PCDHGA2: variants seen among roughly 807,000 people sequenced by gnomAD.
The protein encoded by PCDHGA2 is protocadherin gamma subfamily A, 2.
Under a neutral mutation model 59.2 loss-of-function variants are expected in PCDHGA2, and 40 were observed. The ratio of observed to expected loss-of-function variants is 0.68; its 90% CI spans 0.52 to 0.88. The LOEUF (loss-of-function observed/expected upper bound fraction) is 0.88. Among genes scored for constraint, PCDHGA2 ranks in the 40% least tolerant of loss-of-function variants. PCDHGA2 has a pLI of 0.00. For synonymous variants in PCDHGA2, 560 were observed against 526.0 expected, an observed-to-expected ratio of 1.06 and a Z score of -0.89; for missense variants, 1,226 against 1,204.0, an observed-to-expected ratio of 1.02 and a Z score of -0.27.
At chr5:141,409,538 A>G (rs772375542) in intron 1 of PCDHGA2, 5 of 1,613,844 alleles carry the variant, frequency 3.1e-6, no homozygotes, top group Non-Finnish European at 4.2e-6. Flanking sequence ...CGCTGACATC[A>G]ACGACAACGC....
intron 1 of PCDHGA2, among the ~76,000 whole-genome samples, chr5:141,455,125 A>G (rs952979433): frequency 3.5e-4 from 53 of 151,762 alleles, no homozygotes; most frequent in Non-Finnish European, 1.0e-4. Flanking sequence ...CTAATGTTTT[A>G]AATTACACTG....
rs2099691833 is a variant in PCDHGA2, at chr5:141,489,761, C to A, written c.2425-5046C>A. 8.1e-6 allele frequency: 13 copies of A among 1,614,102 alleles called. No individual in the cohort carries two copies. The highest frequency in any genetic ancestry group is 1.1e-5 in the Non-Finnish European group (13 of 1,179,962). ...ACTGTGAGCTTTTACACTCTAAGCCCCAACAGCCACTTCTCTCTGAATGTG... is the reference window on the plus strand; with the variant it reads ...ACTGTGAGCTTTTACACTCTAAGCCACAACAGCCACTTCTCTCTGAATGTG... On this transcript the variant is annotated intron_variant, in intron 1 of 3. Coordinates refer to ENST00000394576, the MANE Select transcript of PCDHGA2 (RefSeq NM_018915.4). The surrounding 1 kb of genome is among the most constrained non-coding windows in gnomAD (Gnocchi z 4.5).
chr5:141,372,523 CA>C, intron 1 of PCDHGA2: 10 of 1,614,018 alleles, frequency 6.2e-6, no homozygotes, highest in Non-Finnish European at 8.5e-6. Flanking sequence ...GTGATTCTGG[CA>C]ATCTCCCTGC....
chr5:141,361,388 A>T, intron 1 of PCDHGA2: 1 of 1,614,000 alleles, frequency 6.2e-7, no homozygotes, highest in Non-Finnish European at 8.5e-7. Flanking sequence ...ATCCCAGAAT[A>T]CAATCTCACC....
chr5:141,346,168 T>C (rs1757707161), intron 1 of PCDHGA2: 5 of 1,614,048 alleles, frequency 3.1e-6, no homozygotes, highest in Non-Finnish European at 4.2e-6. Flanking sequence ...ATCGTGCTGC[T>C]GGCGCTCAGG....
intron 1 of PCDHGA2, chr5:141,366,102 T>A (rs1445962676): frequency 6.2e-7 from 1 of 1,614,084 alleles, no homozygotes; most frequent in African/African-American, 1.3e-5. Context: ...GTGACCAAGG[T>A]GGTAGCGGTG....
intron 1 of PCDHGA2, chr5:141,371,519 T>C (rs1767815270): frequency 3.1e-6 from 5 of 1,613,838 alleles, no homozygotes; most frequent in Middle Eastern, 1.6e-4. Context: ...ATGATCTAGA[T>C]TCTGGATTTA....
At chr5:141,368,452 C>G (rs75043959) in intron 1 of PCDHGA2, among the ~76,000 whole-genome samples, 11 of 151,980 alleles carry the variant, frequency 7.2e-5, no homozygotes, top group Middle Eastern at 3.4e-3. Context: ...ACAAACTCAC[C>G]GAATAGTGAA....
chr5:141,438,659 T>C (rs1290256383), intron 1 of PCDHGA2, among the ~76,000 whole-genome samples: 1 of 141,194 alleles, frequency 7.1e-6, no homozygotes, highest in East Asian at 2.1e-4. Flanking sequence ...CACATATATG[T>C]ATATATATAT....
In PCDHGA2 at chr5:141,477,868, C is replaced by T. The variant is rs1450078298; in HGVS notation, c.2425-16939C>T. 2 of 1,613,750 alleles carry T rather than the reference C, an allele frequency of 1.2e-6. No individual in the cohort carries two copies. Among genetic ancestry groups the T allele is most frequent in the Admixed American group, 3.3e-5 (2 of 59,988 alleles). On this transcript the variant is annotated intron_variant, in intron 1 of 3. Coordinates refer to ENST00000394576, the MANE Select transcript of PCDHGA2 (RefSeq NM_018915.4). This position sits in a 1 kb window ranked among gnomAD's most constrained non-coding sequence, Gnocchi z 4.9. ...CGGTGGAGATGCTGCCTCGAGGTAC[C>T]TCAGCTGGCCACCTAGTGTCACGGG...
intron 1 of PCDHGA2, among the ~76,000 whole-genome samples, chr5:141,465,137 GGGGA>G (rs2099097662): frequency 2.0e-5 from 3 of 151,520 alleles, no homozygotes; most frequent in Non-Finnish European, 4.4e-5. Context: ...AAAAAGTTTA[GGGGA>G]TATATGAAGG....
At position 141,339,774 on chromosome 5, in the gene PCDHGA2, A is replaced by T. The variant is rs1175902242; in HGVS notation, c.803A>T (p.Asp268Val). The change falls in exon 1 of 4, where the codon GAC becomes GTC. Residue 268 changes from aspartate to valine, a missense_variant. Transcript: ENST00000394576. ...GTRILTVTAT[D>V]ADEGYYAQVV... Reference sequence around the variant, plus strand: ...CGGATACTCACGGTGACCGCCACTGACGCAGATGAGGGCTACTACGCTCAA... The same window carrying T: ...CGGATACTCACGGTGACCGCCACTGTCGCAGATGAGGGCTACTACGCTCAA... 1 of 1,614,198 alleles carries T rather than the reference A, an allele frequency of 6.2e-7. No homozygotes were observed. The highest frequency in any genetic ancestry group is 1.7e-5 in the Admixed American group (1 of 60,018).
intron 1 of PCDHGA2, chr5:141,366,379 C>A (rs866007408): frequency 1.9e-6 from 3 of 1,614,134 alleles, no homozygotes; most frequent in African/African-American, 2.7e-5. Flanking sequence ...CCCCCATTGA[C>A]CCTGAGGATC....
chr5:141,366,931 G>GA, intron 1 of PCDHGA2: 2 of 939,892 alleles, frequency 2.1e-6, no homozygotes, highest in Non-Finnish European at 3.0e-6. Context: ...TCTGTTTTGG[G>GA]AAGTCTAGCT....
Position 141,393,858 on chromosome 5 carries a change from A to G in PCDHGA2, c.2424+52463A>G, listed in dbSNP as rs777304987. The G allele has an allele frequency of 1.2e-5, 20 of 1,613,912 alleles. No homozygotes were observed. Among genetic ancestry groups the G allele is most frequent in the Admixed American group, 8.3e-5 (5 of 60,008 alleles). On this transcript the variant is annotated intron_variant, in intron 1 of 3. Transcript: ENST00000394576. ...AAATGACAATAGACCAGAAGTGATC[A>G]TTACGTCTTTGTTTAGCCCAGTGTT...
chr5:141,486,879 G>A lies in PCDHGA2; in HGVS notation c.2425-7928G>A, dbSNP rs1371072899. 7 of 1,614,228 alleles carry A rather than the reference G, an allele frequency of 4.3e-6. No homozygotes were observed. Among genetic ancestry groups the A allele is most frequent in the Non-Finnish European group, 4.2e-6 (5 of 1,180,046 alleles). On this transcript the variant is annotated intron_variant, in intron 1 of 3. Coordinates refer to ENST00000394576, the MANE Select transcript of PCDHGA2 (RefSeq NM_018915.4). The surrounding 1 kb of genome is among the most constrained non-coding windows in gnomAD (Gnocchi z 5.0). Reference sequence around the variant, plus strand: ...AATGCTCCAGCTGTGCTCCGTCCTCGGGCCCGGCCTGGTTCCTTATGTCCC... The same window carrying A: ...AATGCTCCAGCTGTGCTCCGTCCTCAGGCCCGGCCTGGTTCCTTATGTCCC...
intron 1 of PCDHGA2, among the ~76,000 whole-genome samples, chr5:141,459,221 G>A (rs1028895845): frequency 9.2e-5 from 14 of 152,154 alleles, no homozygotes; most frequent in African/African-American, 3.1e-4. Flanking sequence ...TCCAGCTCCA[G>A]GCAACAACTG....
Position 141,510,964 on chromosome 5 carries a change from T to C in PCDHGA2, c.2590T>C (p.Ser864Pro), listed in dbSNP as rs1237904575. 6.2e-7 allele frequency: 1 copy of C among 1,614,084 alleles called. No individual in the cohort carries two copies. Among genetic ancestry groups the C allele is most frequent in the South Asian group, 1.1e-5 (1 of 91,082 alleles). The change falls in exon 4 of 4, where the codon TCC becomes CCC. Residue 864 changes from serine to proline, a missense_variant. Coordinates refer to ENST00000394576, the MANE Select transcript of PCDHGA2 (RefSeq NM_018915.4). ...CTCTGCAGAAGCTGCTGATGGGAGC[T>C]CCACCCTGGGAGGGGGTGCCGGCAC... is the stretch of plus-strand genomic sequence containing the variant. The part of the protein sequence containing the change: ...ASASEAADGS[S>P]TLGGGAGTMG...
intron 1 of PCDHGA2, chr5:141,385,078 G>C (rs755613540): frequency 6.2e-7 from 1 of 1,614,222 alleles, no homozygotes. Context: ...CCTGCTGCAG[G>C]CTTCAGAAGG....
Sources: gnomAD v4.1 joint callset for allele counts (sites outside exome capture counted in the v4.1 genomes callset) on GRCh38, gnomAD v4.1.1 for gene constraint, Gnocchi (gnomAD v3.1) non-coding constraint, MANE v1.5 for transcripts, NCBI Gene and HGNC (gene_info 2026-07-23, HGNC 2026-07-21) for gene names.